ZNF385D: variants seen among roughly 807,000 people sequenced by gnomAD.
ZNF385D encodes zinc finger protein 385D, also known as zinc finger protein 659.
Under a neutral mutation model 35.8 loss-of-function variants are expected in ZNF385D, and 15 were observed. That is an observed-to-expected ratio of 0.42 (90% CI 0.28 to 0.64). The LOEUF is 0.64. Ranked by LOEUF, ZNF385D falls within the 30% of genes least tolerant of loss-of-function variation. The pLI, the probability that ZNF385D is intolerant of heterozygous loss-of-function variation, is 0.23. For synonymous variants in ZNF385D, 212 were observed against 186.8 expected, an observed-to-expected ratio of 1.13 and a Z score of -1.10; for missense variants, 474 against 494.6, an observed-to-expected ratio of 0.96 and a Z score of 0.39.
intron 3 of ZNF385D, among the ~76,000 whole-genome samples, chr3:22,045,034 A>T (rs1055044335): frequency 2.0e-5 from 3 of 152,044 alleles, no homozygotes; most frequent in Non-Finnish European, 4.4e-5. Flanking sequence ...AAATGCTGTT[A>T]ATTTTTGTTT....
chr3:22,231,024 C>A (rs112073757), intron 2 of ZNF385D, among the ~76,000 whole-genome samples: 233 of 152,138 alleles, frequency 1.5e-3, no homozygotes, highest in African/African-American at 5.3e-3. Context: ...CTCAATCTAC[C>A]CCAATATTGG....
At chr3:21,448,182 A>T (rs1702257769) in intron 4 of ZNF385D, among the ~76,000 whole-genome samples, 1 of 152,180 alleles carries the variant, frequency 6.6e-6, no homozygotes, top group Non-Finnish European at 1.5e-5. Context: ...GAGACTAGAA[A>T]AGGAGTTTTC....
At chr3:22,326,999 C>G (rs9845610) in intron 2 of ZNF385D, among the ~76,000 whole-genome samples, 35,762 of 152,046 alleles carry the variant, frequency 0.24, 4,373 homozygotes, top group East Asian at 0.27. Context: ...GGGTCATTAA[C>G]TCCTCCCTGT....
intron 3 of ZNF385D, among the ~76,000 whole-genome samples, chr3:21,822,246 G>T (rs1039439262): frequency 1.3e-5 from 2 of 151,712 alleles, no homozygotes; most frequent in Non-Finnish European, 2.9e-5. Context: ...TAATTTTTTT[G>T]TATTTATAGT....
chr3:22,042,331 A>G (rs142672301), intron 3 of ZNF385D, among the ~76,000 whole-genome samples: 25 of 152,228 alleles, frequency 1.6e-4, no homozygotes, highest in African/African-American at 6.0e-4. Context: ...GGCCCATATT[A>G]AGTGCCCAAT....
chr3:21,507,892 G>C (rs537760718), intron 4 of ZNF385D, among the ~76,000 whole-genome samples: 1 of 152,184 alleles, frequency 6.6e-6, no homozygotes, highest in African/African-American at 2.4e-5. Context: ...TACGAAATGG[G>C]TGTCTTTTCT....
intron 3 of ZNF385D, among the ~76,000 whole-genome samples, chr3:21,857,597 T>C (rs977401940): frequency 6.6e-6 from 1 of 151,752 alleles, no homozygotes; most frequent in African/African-American, 2.4e-5. Context: ...TGGAGCTCAG[T>C]GAGAGCTGAA....
intron 3 of ZNF385D, among the ~76,000 whole-genome samples, chr3:21,536,378 C>CAAAG (rs2062036201): frequency 6.6e-6 from 1 of 152,006 alleles, no homozygotes; most frequent in Non-Finnish European, 1.5e-5. Flanking sequence ...TGAATTGGGG[C>CAAAG]AAAGATAGCT....
At chr3:21,948,087 A>C (rs564537363) in intron 3 of ZNF385D, among the ~76,000 whole-genome samples, 307 of 152,186 alleles carry the variant, frequency 2.0e-3, no homozygotes, top group African/African-American at 6.7e-3. Flanking sequence ...ATTAATGTAC[A>C]TCTTTTTTTC....
At chr3:21,508,290 A>G (rs1002732995) in intron 4 of ZNF385D, among the ~76,000 whole-genome samples, 1 of 152,200 alleles carries the variant, frequency 6.6e-6, no homozygotes, top group East Asian at 1.9e-4. Context: ...AACTTCTGAA[A>G]GGACAGATCC....
chr3:22,091,791 T>G (rs1429536149), intron 3 of ZNF385D, among the ~76,000 whole-genome samples: 1 of 152,244 alleles, frequency 6.6e-6, no homozygotes, highest in East Asian at 1.9e-4. Flanking sequence ...ATGCATGTTT[T>G]TATTTGTATA....
intron 2 of ZNF385D, among the ~76,000 whole-genome samples, chr3:22,205,450 G>T (rs1326996003): frequency 6.6e-6 from 1 of 151,906 alleles, no homozygotes; most frequent in Non-Finnish European, 1.5e-5. Flanking sequence ...AAACTTGCTG[G>T]TAATAGTAAG....
At chr3:22,107,181 A>C (rs917976378) in intron 3 of ZNF385D, among the ~76,000 whole-genome samples, 1 of 151,540 alleles carries the variant, frequency 6.6e-6, no homozygotes, top group African/African-American at 2.4e-5. Context: ...GTGCCACCAC[A>C]CCTAGCTAAT....
At chr3:22,362,405 T>C (rs1416531236) in intron 2 of ZNF385D, among the ~76,000 whole-genome samples, 1 of 152,102 alleles carries the variant, frequency 6.6e-6, no homozygotes, top group Non-Finnish European at 1.5e-5. Flanking sequence ...CCAAATTCCG[T>C]AGGAACTGAA....
At chr3:22,238,184 A>C (rs1298152995) in intron 2 of ZNF385D, among the ~76,000 whole-genome samples, 3 of 151,152 alleles carry the variant, frequency 2.0e-5, no homozygotes, top group Admixed American at 6.6e-5. Context: ...TTATGCCTGT[A>C]CCACATTCCA....
intron 2 of ZNF385D, among the ~76,000 whole-genome samples, chr3:22,312,729 A>G (rs1324916599): frequency 1.3e-4 from 20 of 150,322 alleles, no homozygotes; most frequent in African/African-American, 4.7e-4. Context: ...TTAGAATGGC[A>G]ATCATTAAAA....
intron 3 of ZNF385D, among the ~76,000 whole-genome samples, chr3:21,924,476 A>T (rs1451044198): frequency 2.6e-5 from 4 of 152,214 alleles, no homozygotes; most frequent in African/African-American, 7.2e-5. Flanking sequence ...AAACTTTTAG[A>T]CAGTAACTGC....
rs558145319 is a variant in ZNF385D at position 22,011,012 on chromosome 3, A to G, written c.325+157805T>C. ...AGACTATTTCAATGGATCATAATTGAAAAGGTTTTATTGCCAATATAACTC... is the reference window on the plus strand; with the variant it reads ...AGACTATTTCAATGGATCATAATTGGAAAGGTTTTATTGCCAATATAACTC... On this transcript the variant is annotated intron_variant, in intron 3 of 5. Transcript: ENST00000494108. Among the ~76,000 whole-genome samples the G allele has an allele frequency of 5.7e-4, 87 of 152,282 alleles. 2 individuals are homozygous for G. Among genetic ancestry groups the G allele is most frequent in the African/African-American group, 2.0e-3 (85 of 41,564 alleles).
intron 3 of ZNF385D, among the ~76,000 whole-genome samples, chr3:21,971,526 A>G (rs1703256427): frequency 6.6e-6 from 1 of 151,952 alleles, no homozygotes; most frequent in South Asian, 2.1e-4. Context: ...ACTAGTGAAA[A>G]TCACCTTCAC....
Sources: gnomAD v4.1 joint callset for allele counts (sites outside exome capture counted in the v4.1 genomes callset) on GRCh38, gnomAD v4.1.1 for gene constraint, MANE v1.5 for transcripts, NCBI Gene and HGNC (gene_info 2026-07-23, HGNC 2026-07-21) for gene names.